TENM3: variants seen among roughly 807,000 people sequenced by gnomAD.
TENM3 encodes teneurin-3.
A neutral mutation model predicts 255.1 loss-of-function variants in TENM3; 63 were observed. The ratio of observed to expected loss-of-function variants is 0.25; its 90% CI spans 0.20 to 0.30. TENM3 has a LOEUF of 0.30. TENM3 is among the 10% of genes least tolerant of loss of function. The pLI is 1.00. For synonymous variants in TENM3, 1,306 were observed against 1,322.3 expected, an observed-to-expected ratio of 0.99 and a Z score of 0.27; for missense variants, 2,929 against 3,461.1, an observed-to-expected ratio of 0.85 and a Z score of 3.86.
chr4:182,160,352 C>T (rs2149625592), intron 1 of TENM3, among the ~76,000 whole-genome samples: 1 of 152,274 alleles, frequency 6.6e-6, no homozygotes, highest in East Asian at 1.9e-4. Context: ...CCTTTTTCCA[C>T]ATTACGGTTA....
intron 17 of TENM3, among the ~76,000 whole-genome samples, chr4:182,737,346 T>TC: frequency 6.6e-6 from 1 of 152,296 alleles, no homozygotes; most frequent in Middle Eastern, 3.4e-3. Context: ...ACATCCTTTC[T>TC]CCCCCCATGT....
the TENM3 span, among the ~76,000 whole-genome samples, chr4:182,104,983 A>G: frequency 1.3e-5 from 2 of 152,152 alleles, no homozygotes; most frequent in Admixed American, 1.3e-4. Context: ...AGGTGGAGAC[A>G]GGAGAATCAC....
chr4:182,384,236 T>C (rs1157255603), intron 3 of TENM3, among the ~76,000 whole-genome samples: 3 of 151,820 alleles, frequency 2.0e-5, no homozygotes, highest in Non-Finnish European at 2.9e-5. Context: ...GCCAAAATTA[T>C]AAAGCAAAGG....
At chr4:182,100,640 T>C in the TENM3 span, among the ~76,000 whole-genome samples, 825 of 50,616 alleles carry the variant, frequency 0.016, 48 homozygotes, top group East Asian at 0.045. Context: ...TATATACACA[T>C]ATATATACAC....
chr4:181,964,482 G>T, the TENM3 span, among the ~76,000 whole-genome samples: 2 of 151,898 alleles, frequency 1.3e-5, no homozygotes, highest in East Asian at 3.9e-4. Flanking sequence ...TGTCATTCCT[G>T]TGTCTGTGTA....
chr4:182,307,417 G>T (rs1762198996), intron 1 of TENM3, among the ~76,000 whole-genome samples: 1 of 152,158 alleles, frequency 6.6e-6, no homozygotes, highest in African/African-American at 2.4e-5. Context: ...GGTTGCAGAA[G>T]GGTTGCCTCT....
intron 22 of TENM3, among the ~76,000 whole-genome samples, chr4:182,769,343 T>G (rs1763981127): frequency 6.6e-6 from 1 of 152,210 alleles, no homozygotes; most frequent in Non-Finnish European, 1.5e-5. Flanking sequence ...GGGTCATTTT[T>G]CTGATGTCTT....
chr4:182,673,258 C>A, intron 7 of TENM3, 39 bp downstream of exon 7: 1 of 1,397,184 alleles, frequency 7.2e-7, no homozygotes, highest in Non-Finnish European at 9.9e-7. Context: ...TAAAAACTGC[C>A]AGTTGCATTT....
At chr4:182,555,278 G>T (rs1255482125) in intron 3 of TENM3, among the ~76,000 whole-genome samples, 4 of 152,018 alleles carry the variant, frequency 2.6e-5, no homozygotes, top group African/African-American at 9.7e-5. Flanking sequence ...AACTATCATA[G>T]AGGTTTGGGT....
intron 3 of TENM3, among the ~76,000 whole-genome samples, chr4:182,554,786 C>T (rs565480506): frequency 1.3e-5 from 2 of 151,796 alleles, no homozygotes; most frequent in South Asian, 4.2e-4. Flanking sequence ...TCACCAGAAT[C>T]AAGAGTACTT....
chr4:182,397,927 C>T (rs764692612), intron 3 of TENM3, among the ~76,000 whole-genome samples: 7 of 152,152 alleles, frequency 4.6e-5, no homozygotes, highest in African/African-American at 7.2e-5. Flanking sequence ...CTAGGTTAGA[C>T]GCAGTGGTGA....
At chr4:181,629,453 G>A in the TENM3 span, among the ~76,000 whole-genome samples, 2 of 152,142 alleles carry the variant, frequency 1.3e-5, no homozygotes, top group Non-Finnish European at 2.9e-5. Context: ...TGCCCATTCA[G>A]TATAATATTG....
At chr4:182,106,213 G>A in the TENM3 span, among the ~76,000 whole-genome samples, 1 of 152,184 alleles carries the variant, frequency 6.6e-6, no homozygotes, top group African/African-American at 2.4e-5. Flanking sequence ...TGGAATCTCA[G>A]CACTTTGGGA....
chr4:182,716,931 A>G (rs1183198116), intron 13 of TENM3, among the ~76,000 whole-genome samples: 13 of 152,188 alleles, frequency 8.5e-5, no homozygotes, highest in Admixed American at 6.5e-5. Flanking sequence ...GAGAGGGTGA[A>G]GAGCCCAATG....
the TENM3 span, among the ~76,000 whole-genome samples, chr4:181,998,952 G>A: frequency 2.6e-5 from 4 of 152,144 alleles, no homozygotes; most frequent in Middle Eastern, 6.8e-3. Context: ...GATGTAAAAT[G>A]GTCAAAATAA....
At chr4:181,743,011 A>AT in the TENM3 span, among the ~76,000 whole-genome samples, 2 of 151,892 alleles carry the variant, frequency 1.3e-5, no homozygotes, top group East Asian at 1.9e-4. Flanking sequence ...TGAACTCATC[A>AT]TTTTTTATGG....
chr4:182,027,724 T>G, the TENM3 span, among the ~76,000 whole-genome samples: 1 of 152,156 alleles, frequency 6.6e-6, no homozygotes, highest in Non-Finnish European at 1.5e-5. Flanking sequence ...GTTGAAATAA[T>G]CATATTTTTT....
At chr4:182,272,893 T>G (rs1030440490) in intron 1 of TENM3, among the ~76,000 whole-genome samples, 2 of 152,090 alleles carry the variant, frequency 1.3e-5, no homozygotes, top group African/African-American at 4.8e-5. Flanking sequence ...GTGCAGGGGT[T>G]GGGAGCATCA....
At chr4:181,610,939 A>T in the TENM3 span, among the ~76,000 whole-genome samples, 1 of 152,220 alleles carries the variant, frequency 6.6e-6, no homozygotes, top group African/African-American at 2.4e-5. Context: ...CAAAGTGGGA[A>T]ATATTACCAT....
Sources: gnomAD v4.1 joint callset for allele counts (sites outside exome capture counted in the v4.1 genomes callset) on GRCh38, gnomAD v4.1.1 for gene constraint, MANE v1.5 for transcripts, NCBI Gene and HGNC (gene_info 2026-07-23, HGNC 2026-07-21) for gene names.